EIF4G2: variants seen among roughly 807,000 people sequenced by gnomAD.
The protein encoded by EIF4G2 is DAP-5.
A neutral mutation model predicts 117.7 loss-of-function variants in EIF4G2; 8 were observed. The ratio of observed to expected loss-of-function variants is 0.07; its 90% CI spans 0.04 to 0.12. The LOEUF (loss-of-function observed/expected upper bound fraction) is 0.12. EIF4G2 is among the 10% of genes least tolerant of loss of function. EIF4G2 has a pLI of 1.00. For missense variants in EIF4G2, 812 were observed against 1,086.2 expected (o/e 0.75, Z 3.55); for synonymous variants, 413 against 367.8 (o/e 1.12, Z -1.41).
rs758061361 is a variant in EIF4G2, at chr11:10,799,059, T to G, written c.2591A>C (p.Glu864Ala). Reference sequence around the variant, plus strand: ...ATCTTCTTTCCAAGCCAAGAAAGCTTCTTCTTCAATAATTTCCATGTCATA... The same window carrying G: ...ATCTTCTTTCCAAGCCAAGAAAGCTGCTTCTTCAATAATTTCCATGTCATA... Residue 864 changes from glutamate to alanine, a missense_variant, in exon 21 of 22, where the codon GAA becomes GCA. Around this residue, in one of 4 missense-constraint regions of EIF4G2, gnomAD observed 571 missense variants for 642.3 expected, o/e 0.89. Coordinates refer to ENST00000339995, the MANE Select transcript of EIF4G2 (RefSeq NM_001418.4). 4 of 1,612,192 alleles carry G rather than the reference T, an allele frequency of 2.5e-6. No homozygotes were observed. Among genetic ancestry groups the G allele is most frequent in the East Asian group, 2.2e-5 (1 of 44,844 alleles).
At chr11:10,804,874 C>T (rs763498849) in intron 5 of EIF4G2, 39 bp downstream of exon 5, 29 of 1,527,488 alleles carry the variant, frequency 1.9e-5, no homozygotes, top group Non-Finnish European at 2.4e-5. Flanking sequence ...TTAAACAGTT[C>T]CCTCTCCCTT....
intron 11 of EIF4G2, 76 bp downstream of exon 11, chr11:10,802,954 G>T: frequency 7.7e-7 from 1 of 1,304,224 alleles, no homozygotes; most frequent in Non-Finnish European, 1.1e-6. Context: ...AAGCGTTTGG[G>T]GTGGGTGAGG....
In EIF4G2 at chr11:10,801,056, A is replaced by G. The variant is rs1329904915; in HGVS notation, c.1445T>C (p.Met482Thr). The change falls in exon 15 of 22, where the codon ATG becomes ACG. Residue 482 changes from methionine to threonine, a missense_variant. This residue lies in a region of EIF4G2 where 571 missense variants were observed against 642.3 expected (regional missense o/e 0.89). Transcript: ENST00000339995. ...AAGCTTTGGCACTTGATTTTTATTCATTAGGAACGACTGAGCAGGCCTCAG... is the reference window on the plus strand; with the variant it reads ...AAGCTTTGGCACTTGATTTTTATTCGTTAGGAACGACTGAGCAGGCCTCAG... 1.2e-6 allele frequency: 2 copies of G among 1,614,048 alleles called. No homozygotes were observed. Among genetic ancestry groups the G allele is most frequent in the Non-Finnish European group, 1.7e-6 (2 of 1,180,014 alleles).
intron 4 of EIF4G2, among the ~76,000 whole-genome samples, chr11:10,805,583 G>A (rs1847544292): frequency 6.6e-6 from 1 of 152,018 alleles, no homozygotes; most frequent in East Asian, 1.9e-4. Context: ...CTCTCTAGTA[G>A]CTGGGACTAC....
chr11:10,801,566 T>C (rs1454086068), intron 14 of EIF4G2, 95 bp downstream of exon 14: 11 of 1,103,020 alleles, frequency 1.0e-5, no homozygotes, highest in Non-Finnish European at 1.5e-5. Context: ...AACTCCAGCA[T>C]AAAGTCCTCT....
intron 11 of EIF4G2, 99 bp from the exon 12 acceptor site, chr11:10,802,534 C>A: frequency 7.2e-7 from 1 of 1,397,222 alleles, no homozygotes; most frequent in Non-Finnish European, 9.6e-7. Flanking sequence ...GAATATTAAA[C>A]CATAATTTAT....
intron 1 of EIF4G2, chr11:10,807,835 C>G (rs1847629365): frequency 1.0e-6 from 1 of 990,430 alleles, no homozygotes; most frequent in South Asian, 4.5e-5. Flanking sequence ...CCGTGGAGAG[C>G]TCGTGGAAAG....
At chr11:10,806,271 T>C in intron 3 of EIF4G2, 1 of 596,242 alleles carries the variant, frequency 1.7e-6, no homozygotes, top group Non-Finnish European at 2.9e-6. Flanking sequence ...TTCACTGGTT[T>C]GGGGTGGGGC....
Position 10,802,288 on chromosome 11 carries a change from A to T in EIF4G2, c.1138+6T>A. On this transcript the variant is annotated splice_donor_region_variant and intron_variant, in intron 12 of 21. Coordinates refer to ENST00000339995, the MANE Select transcript of EIF4G2 (RefSeq NM_001418.4). Reference sequence around the variant, plus strand: ...CTTAACGCAACCATTGTTTTTTCAAAATTACCTGGCATTTGTCCAAACATA... The same window carrying T: ...CTTAACGCAACCATTGTTTTTTCAATATTACCTGGCATTTGTCCAAACATA... 2 of 1,610,866 alleles carry T rather than the reference A, an allele frequency of 1.2e-6. No individual in the cohort carries two copies. The highest frequency in any genetic ancestry group is 2.2e-5 in the South Asian group (2 of 90,690).
chr11:10,798,158 G>C (rs994989934), intron 21 of EIF4G2, among the ~76,000 whole-genome samples: 4 of 152,116 alleles, frequency 2.6e-5, no homozygotes, highest in Non-Finnish European at 5.9e-5. Context: ...TCAAGCCTGG[G>C]CCCCCTGGAA....
intron 1 of EIF4G2, chr11:10,808,120 G>A (rs947492047): frequency 4.8e-6 from 5 of 1,044,068 alleles, no homozygotes; most frequent in Admixed American, 1.2e-4. Context: ...CTGCCCACCC[G>A]CCGCCTCCAA....
chr11:10,799,744 T>C lies in EIF4G2; in HGVS notation c.2132A>G (p.Asn711Ser). 1 of 1,612,436 alleles carries C rather than the reference T, an allele frequency of 6.2e-7. No individual in the cohort carries two copies. The highest frequency in any genetic ancestry group is 8.5e-7 in the Non-Finnish European group (1 of 1,179,670). Reference sequence around the variant, plus strand: ...CAAAATCTCCAACATGCGGTCCTTATTCTGATCAATTTCTGAAGAGACAAA... The same window carrying C: ...CAAAATCTCCAACATGCGGTCCTTACTCTGATCAATTTCTGAAGAGACAAA... The change falls in exon 19 of 22, where the codon AAT becomes AGT. Residue 711 changes from asparagine to serine, a missense_variant. This residue lies in a region of EIF4G2 where 571 missense variants were observed against 642.3 expected (regional missense o/e 0.89). Transcript: ENST00000339995.
chr11:10,803,451 T>TG lies in EIF4G2; in HGVS notation c.813+28dup. 6.3e-7 allele frequency: 1 copy of TG among 1,596,608 alleles called. No individual in the cohort carries two copies. Among genetic ancestry groups the TG allele is most frequent in the Non-Finnish European group, 8.6e-7 (1 of 1,164,702 alleles). ...TAGCTTGATTTAAAGACAAACTACT[T>TG]GTACTACTTTCATCAGCTACACACG... On this transcript the variant is annotated intron_variant, in intron 9 of 21. Transcript: ENST00000339995. This position sits in a 1 kb window ranked among gnomAD's most constrained non-coding sequence, Gnocchi z 4.0.
intron 14 of EIF4G2, 33 bp from the exon 15 acceptor site, chr11:10,801,120 C>A: frequency 2.5e-6 from 4 of 1,612,340 alleles, no homozygotes; most frequent in Non-Finnish European, 3.4e-6. Context: ...TCTAAATTAA[C>A]AACATGCAGT....
rs749777589 is a variant in EIF4G2, at chr11:10,805,921, G to A, written c.234C>T (p.Phe78=). The change falls in exon 4 of 22, where the codon TTC becomes TTT. Residue 78 remains phenylalanine (F), a synonymous_variant. Coordinates refer to ENST00000339995, the MANE Select transcript of EIF4G2 (RefSeq NM_001418.4). Reference sequence around the variant, plus strand: ...TTGAAACTTACCCTCTTACTTTCCTGAAGATTGCATCATGTCGTTCTTTTT... The same window carrying A: ...TTGAAACTTACCCTCTTACTTTCCTAAAGATTGCATCATGTCGTTCTTTTT... The A allele has an allele frequency of 6.2e-7, 1 of 1,614,128 alleles. No individual in the cohort carries two copies. The highest frequency in any genetic ancestry group is 8.5e-7 in the Non-Finnish European group (1 of 1,180,026).
At position 10,800,619 on chromosome 11, in the gene EIF4G2, C is replaced by G; in HGVS notation, c.1673G>C (p.Ser558Thr). 1.9e-6 allele frequency: 3 copies of G among 1,614,176 alleles called. No individual in the cohort carries two copies. Among genetic ancestry groups the G allele is most frequent in the Non-Finnish European group, 2.5e-6 (3 of 1,180,028 alleles). ...ATTGACAGCCTCATTTGCATTTCCA[C>G]TATTTAGATATTCAGTCACAACAGT... The change falls in exon 17 of 22, where the codon AGT becomes ACT. Residue 558 changes from serine to threonine, a missense_variant. Physicochemically the swap from Ser to Thr is moderately conservative, Grantham distance 58 (BLOSUM62 1). Transcript: ENST00000339995.
intron 11 of EIF4G2, 45 bp from the exon 12 acceptor site, chr11:10,802,480 T>C (rs1484985302): frequency 6.7e-7 from 1 of 1,496,008 alleles, no homozygotes; most frequent in East Asian, 2.4e-5. Flanking sequence ...CTGGACACTA[T>C]TTCACTTAAA....
At position 10,797,828 on chromosome 11, in the gene EIF4G2, T is replaced by G. The variant is rs1364118310; in HGVS notation, c.2712A>C (p.Glu904Asp). ...TTTGGCTGGTTCTTTAGTCAGCTTC[T>G]TCCTCTGATTCTTCTTCTTCAGCAG... Residue 904 changes from glutamate to aspartate, a missense_variant, in exon 22 of 22, where the codon GAA becomes GAC. By Grantham distance (45) the Glu-to-Asp change is conservative (BLOSUM62 2). Transcript: ENST00000339995. The surrounding 1 kb of genome is among the most constrained non-coding windows in gnomAD (Gnocchi z 4.5). The G allele has an allele frequency of 6.2e-7, 1 of 1,613,944 alleles. No homozygotes were observed. The highest frequency in any genetic ancestry group is 8.5e-7 in the Non-Finnish European group (1 of 1,180,000).
At chr11:10,807,748 G>A in intron 1 of EIF4G2, 1 of 991,852 alleles carries the variant, frequency 1.0e-6, no homozygotes, top group Non-Finnish European at 1.2e-6. Context: ...TTACTGCCTT[G>A]ACGAGGCCAG....
Sources: gnomAD v4.1 joint callset for allele counts (sites outside exome capture counted in the v4.1 genomes callset) on GRCh38, gnomAD v4.1.1 for gene constraint, gnomAD v4.1.1 regional missense constraint, Gnocchi (gnomAD v3.1) non-coding constraint, MANE v1.5 for transcripts, NCBI Gene and HGNC (gene_info 2026-07-23, HGNC 2026-07-21) for gene names.